The following NOL11 variants were observed in gnomAD, a reference collection of about 807,000 sequenced individuals.
NOL11 encodes nucleolar protein 11.
Under a neutral mutation model 93.0 loss-of-function variants are expected in NOL11, and 42 were observed. The ratio of observed to expected loss-of-function variants is 0.45; its 90% CI spans 0.35 to 0.58. The LOEUF (loss-of-function observed/expected upper bound fraction) is 0.58. NOL11 is among the 20% of genes least tolerant of loss of function. The pLI is 0.00. For missense variants in NOL11, 775 were observed against 841.8 expected (o/e 0.92, Z 0.98); for synonymous variants, 296 against 293.7 (o/e 1.01, Z -0.08).
intron 16 of NOL11, chr17:67,740,792 C>A (rs2055249061): frequency 6.5e-6 from 1 of 154,508 alleles, no homozygotes; most frequent in Non-Finnish European, 1.5e-5. Flanking sequence ...ATCAACCATC[C>A]CACATAGAAG....
At chr17:67,741,963 A>G (rs2055260682) in intron 16 of NOL11, among the ~76,000 whole-genome samples, 1 of 152,212 alleles carries the variant, frequency 6.6e-6, no homozygotes, top group Non-Finnish European at 1.5e-5. Flanking sequence ...ATATAAATTA[A>G]TGTACCTATC....
At chr17:67,725,126 A>T (rs2055079490) in intron 6 of NOL11, among the ~76,000 whole-genome samples, 1 of 152,230 alleles carries the variant, frequency 6.6e-6, no homozygotes, top group African/African-American at 2.4e-5. Context: ...CCAGTGAAAA[A>T]GAGAAATCAC....
At chr17:67,736,438 C>G (rs1054255739) in intron 9 of NOL11, 35 of 504,626 alleles carry the variant, frequency 6.9e-5, no homozygotes, top group Middle Eastern at 5.1e-4. Flanking sequence ...AGTAATACCT[C>G]TGCCCTCCCT....
At chr17:67,728,289 ACT>A (rs1370091569) in intron 7 of NOL11, among the ~76,000 whole-genome samples, 1 of 152,018 alleles carries the variant, frequency 6.6e-6, no homozygotes, top group Non-Finnish European at 1.5e-5. Context: ...AAATAAAATA[ACT>A]ACCATGTGCC....
chr17:67,737,044 G>A (rs771808449), intron 10 of NOL11, 27 bp from the exon 11 acceptor site: 270 of 1,417,366 alleles, frequency 1.9e-4, no homozygotes, highest in Non-Finnish European at 1.0e-5. Flanking sequence ...ATTGTTTTGT[G>A]ATCCTAATCA....
Position 67,734,145 on chromosome 17 carries a change from C to T in NOL11, c.854-218C>T, listed in dbSNP as rs116402813. On this transcript the variant is annotated intron_variant, in intron 7 of 17. Transcript: ENST00000253247. ...TTGTTGGGTGTTTTTAATTGTTATT[C>T]CTGGTTCATAAAGCCCTCCCTTCCT... is the stretch of plus-strand genomic sequence containing the variant. Among the ~76,000 whole-genome samples, 782 of 152,148 alleles carry T rather than the reference C, an allele frequency of 5.1e-3. 4 individuals carry two copies. Among genetic ancestry groups the T allele is most frequent in the African/African-American group, 0.018 (741 of 41,520 alleles).
rs1180274571 is a variant in NOL11, at chr17:67,728,133, A to G, written c.853+1485A>G. Among the ~76,000 whole-genome samples, 7 of 151,816 alleles carry G rather than the reference A, an allele frequency of 4.6e-5. No homozygotes were observed. The East Asian group carries it at 1.2e-3, about 25-fold the overall frequency. ...AAATTAGCCGGGTGTGGTGGTGGGCACCTGCAGTCCCAGCTACTCGGGAGG... is the reference window on the plus strand; with the variant it reads ...AAATTAGCCGGGTGTGGTGGTGGGCGCCTGCAGTCCCAGCTACTCGGGAGG... On this transcript the variant is annotated intron_variant, in intron 7 of 17. Transcript: ENST00000253247.
chr17:67,735,411 CTTA>C (rs762239261), intron 8 of NOL11, among the ~76,000 whole-genome samples: 4 of 151,786 alleles, frequency 2.6e-5, no homozygotes, highest in East Asian at 1.9e-4. Flanking sequence ...TTTATTACAA[CTTA>C]TTATTTTATT....
chr17:67,736,120 T>G, intron 9 of NOL11, 97 bp downstream of exon 9: 1 of 1,193,404 alleles, frequency 8.4e-7, no homozygotes, highest in South Asian at 1.6e-5. Context: ...TAAAGCTTTT[T>G]CTTAATTTTG....
chr17:67,740,414 A>T (rs1464242040), intron 16 of NOL11, among the ~76,000 whole-genome samples: 1 of 152,012 alleles, frequency 6.6e-6, no homozygotes, highest in African/African-American at 2.4e-5. Flanking sequence ...GTTCAAGACC[A>T]GCCTGACCAA....
intron 7 of NOL11, among the ~76,000 whole-genome samples, chr17:67,732,814 T>G (rs2055166632): frequency 6.6e-6 from 1 of 151,468 alleles, no homozygotes; most frequent in Admixed American, 6.6e-5. Flanking sequence ...GCTCAGGCAA[T>G]ATGTCTGTCT....
At chr17:67,718,678 A>C (rs1372094181) in intron 1 of NOL11, among the ~76,000 whole-genome samples, 5 of 152,300 alleles carry the variant, frequency 3.3e-5, no homozygotes, top group African/African-American at 9.6e-5. Flanking sequence ...TTCAGCCTAA[A>C]GCCTGATAGA....
chr17:67,734,932 T>C (rs1000325421), intron 8 of NOL11, among the ~76,000 whole-genome samples: 37 of 152,340 alleles, frequency 2.4e-4, no homozygotes, highest in African/African-American at 8.4e-4. Flanking sequence ...AATTCTAAAT[T>C]TTTGCCAGAA....
chr17:67,738,447 G>A (rs2055224535), intron 14 of NOL11, 92 bp downstream of exon 14: 1 of 786,026 alleles, frequency 1.3e-6, no homozygotes, highest in African/African-American at 1.8e-5. Flanking sequence ...ATAATTTAAG[G>A]TTTTTCTTTC....
chr17:67,719,581 A>G, intron 1 of NOL11, 93 bp from the exon 2 acceptor site: 4 of 690,790 alleles, frequency 5.8e-6, no homozygotes, highest in Non-Finnish European at 9.6e-6. Flanking sequence ...AAATGCTGTC[A>G]TTTTAATGGT....
chr17:67,731,751 G>C (rs144209461), intron 7 of NOL11, among the ~76,000 whole-genome samples: 1 of 152,096 alleles, frequency 6.6e-6, no homozygotes, highest in South Asian at 2.1e-4. Context: ...TTTGCCTGTG[G>C]CTCTCCAGTT....
chr17:67,722,707 C>A, intron 5 of NOL11, 70 bp downstream of exon 5: 1 of 1,501,804 alleles, frequency 6.7e-7, no homozygotes, highest in African/African-American at 1.5e-5. Flanking sequence ...TATTTAGAGA[C>A]AGGGTGTTGC....
Position 67,722,493 on chromosome 17 carries a change from G to A in NOL11, c.462-87G>A. The stretch of plus-strand genomic sequence containing the variant: ...TTTCTGGTTCTAAAAAATATTTAAT[G>A]AAAACTTTGATTAAATTTTGATTGA... On this transcript the variant is annotated intron_variant, in intron 4 of 17. Coordinates refer to ENST00000253247, the MANE Select transcript of NOL11 (RefSeq NM_015462.5). 6.1e-6 allele frequency: 9 copies of A among 1,480,784 alleles called. No individual in the cohort carries two copies. In the South Asian group the frequency reaches 1.2e-4, roughly 20 times the overall value. 91.7% of individuals were successfully genotyped at this position (1,480,784 alleles called of 1,614,324 possible). A position where few individuals can be genotyped will look rare whatever the true frequency, so the allele number is the denominator to read the frequency against.
chr17:67,743,505 G>C lies in NOL11; in HGVS notation c.1962G>C (p.Leu654=), dbSNP rs150399270. ...TTATGGATTGGATATGTCTACTTCTGGATGCAAATTTTACTGTTGTTGTAA... is the reference window on the plus strand; with the variant it reads ...TTATGGATTGGATATGTCTACTTCTCGATGCAAATTTTACTGTTGTTGTAA... The part of the protein sequence containing the change: ...NQIMDWICLL[L]DANFTVVVMM... The change falls in exon 17 of 18, where the codon CTG becomes CTC. Residue 654 remains leucine (L), a synonymous_variant. Coordinates refer to ENST00000253247, the MANE Select transcript of NOL11 (RefSeq NM_015462.5). 3 of 1,575,830 alleles carry C rather than the reference G, an allele frequency of 1.9e-6. No homozygotes were observed. The African/African-American group carries it at 4.0e-5, about 21-fold the overall frequency.
Sources: gnomAD v4.1 joint callset for allele counts (sites outside exome capture counted in the v4.1 genomes callset) on GRCh38, gnomAD v4.1.1 for gene constraint, MANE v1.5 for transcripts, NCBI Gene and HGNC (gene_info 2026-07-23, HGNC 2026-07-21) for gene names.